Variants in PRKN observed in about 807,000 individuals in gnomAD.
PRKN encodes E3 ubiquitin-protein ligase parkin.
Under a neutral mutation model 59.5 loss-of-function variants are expected in PRKN, and 56 were observed. The ratio of observed to expected loss-of-function variants is 0.94; its 90% CI spans 0.76 to 1.18. The LOEUF (loss-of-function observed/expected upper bound fraction) is 1.18, where lower values mean the gene tolerates loss of function less well. Among genes scored for constraint, PRKN ranks in the 50% most tolerant of loss-of-function variants. The pLI is 0.00. For missense variants in PRKN, 657 were observed against 596.4 expected (o/e 1.10, Z -1.06); for synonymous variants, 250 against 222.1 (o/e 1.13, Z -1.12).
At chr6:162,489,490 T>C (rs1479620164) in intron 1 of PRKN, among the ~76,000 whole-genome samples, 1 of 152,150 alleles carries the variant, frequency 6.6e-6, no homozygotes, top group Non-Finnish European at 1.5e-5. Context: ...TGGACCAGTT[T>C]GTTTAAATTT....
At chr6:162,465,154 G>C (rs774564077) in intron 1 of PRKN, among the ~76,000 whole-genome samples, 2 of 152,236 alleles carry the variant, frequency 1.3e-5, no homozygotes, top group African/African-American at 4.8e-5. Context: ...TCACTTCTAT[G>C]AACATTTTAA....
rs1781440692 is a variant in PRKN, at chr6:161,584,088, C to T, written c.872-14672G>A. Among the ~76,000 whole-genome samples, 2 of 152,212 alleles carry T rather than the reference C, an allele frequency of 1.3e-5. No individual in the cohort carries two copies. The highest frequency in any genetic ancestry group is 6.5e-5 in the Admixed American group (1 of 15,288). On this transcript the variant is annotated intron_variant, in intron 7 of 11. Transcript: ENST00000366898. The surrounding 1 kb of genome is among the most constrained non-coding windows in gnomAD (Gnocchi z 4.8). The stretch of plus-strand genomic sequence containing the variant: ...AGAGTATTAGAGACACAACCCTCCC[C>T]TCCTTGGTTGTATGTGTATTCATCT...
chr6:162,687,964 T>C (rs1777633019), intron 1 of PRKN, among the ~76,000 whole-genome samples: 1 of 152,198 alleles, frequency 6.6e-6, no homozygotes, highest in Admixed American at 6.5e-5. Flanking sequence ...ATCCTGTTGC[T>C]GGATGTGGAG....
intron 6 of PRKN, among the ~76,000 whole-genome samples, chr6:161,876,141 A>G (rs1794724311): frequency 6.6e-6 from 1 of 151,888 alleles, no homozygotes; most frequent in African/African-American, 2.4e-5. Flanking sequence ...ATTAGTTACC[A>G]AACAAATATA....
At chr6:161,406,304 A>G (rs4709514) in intron 9 of PRKN, among the ~76,000 whole-genome samples, 34,605 of 151,694 alleles carry the variant, frequency 0.23, 5,680 homozygotes, top group East Asian at 0.83. Context: ...AATTTTTTTC[A>G]AAGTCATGAA....
At chr6:162,277,275 C>T (rs914324610) in intron 2 of PRKN, among the ~76,000 whole-genome samples, 12 of 152,210 alleles carry the variant, frequency 7.9e-5, no homozygotes, top group Non-Finnish European at 1.5e-4. Context: ...ATGGGAGATT[C>T]GGCAGGCATC....
At chr6:161,861,802 GA>G in intron 6 of PRKN, among the ~76,000 whole-genome samples, 2 of 152,164 alleles carry the variant, frequency 1.3e-5, no homozygotes, top group East Asian at 3.9e-4. Flanking sequence ...AATATTCTAA[GA>G]ACTTCCACTT....
chr6:162,158,206 T>C (rs1782603512), intron 4 of PRKN, among the ~76,000 whole-genome samples: 1 of 152,022 alleles, frequency 6.6e-6, no homozygotes. Context: ...ATGTGATCTA[T>C]CATATAGTTC....
intron 6 of PRKN, among the ~76,000 whole-genome samples, chr6:161,815,832 G>A (rs1312667882): frequency 1.3e-5 from 2 of 152,174 alleles, no homozygotes; most frequent in African/African-American, 2.4e-5. Flanking sequence ...GCACAGAGAA[G>A]ACTAGAAAAC....
chr6:161,799,746 T>C (rs1791003053), intron 6 of PRKN, among the ~76,000 whole-genome samples: 1 of 152,162 alleles, frequency 6.6e-6, no homozygotes. Flanking sequence ...CATGGGATCA[T>C]GTGATAGTGC....
intron 4 of PRKN, among the ~76,000 whole-genome samples, chr6:162,140,554 G>T (rs1781734368): frequency 6.6e-6 from 1 of 152,120 alleles, no homozygotes; most frequent in South Asian, 2.1e-4. Context: ...TGCTTTTCCG[G>T]CTTTCTTCCA....
rs553124985 is a variant in PRKN at position 161,490,287 on chromosome 6, G to A, written c.1083+58567C>T. Reference sequence around the variant, plus strand: ...GCGGTGGTCTGTCCCTCTAATCTACGTAAATCTCTCTACTTTTCTTTCTTG... The same window carrying A: ...GCGGTGGTCTGTCCCTCTAATCTACATAAATCTCTCTACTTTTCTTTCTTG... On this transcript the variant is annotated intron_variant, in intron 9 of 11. Coordinates refer to ENST00000366898, the MANE Select transcript of PRKN (RefSeq NM_004562.3). Among the ~76,000 whole-genome samples, 4 of 149,592 alleles carry A rather than the reference G, an allele frequency of 2.7e-5. No individual in the cohort carries two copies. In the South Asian group the frequency reaches 6.3e-4, roughly 24 times the overall value.
rs1371337373 is a variant in PRKN, at chr6:162,201,217, A to G, written c.448T>C (p.Cys150Arg). ...RSIYNSFYVYCKGPCQRVQPG... is the reference protein window; with the variant it reads ...RSIYNSFYVYRKGPCQRVQPG... ...TGCACTCTTTGACAGGGGCCTTTGC[A>G]ATACACATAAAAGCTGTTGTAGATT... Residue 150 changes from cysteine to arginine, a missense_variant, in exon 4 of 12, where the codon TGC (cysteine) becomes CGC (arginine). Physicochemically the swap from Cys to Arg is radical, Grantham distance 180 (BLOSUM62 -3). Transcript: ENST00000366898. The G allele has an allele frequency of 6.2e-7, 1 of 1,614,000 alleles. No homozygotes were observed. Among genetic ancestry groups the G allele is most frequent in the Non-Finnish European group, 8.5e-7 (1 of 1,179,892 alleles).
At chr6:161,991,949 A>G (rs1440108799) in intron 5 of PRKN, among the ~76,000 whole-genome samples, 1 of 152,246 alleles carries the variant, frequency 6.6e-6, no homozygotes, top group Non-Finnish European at 1.5e-5. Context: ...CAGTGAAAGG[A>G]TAGAAAAAGT....
chr6:162,031,961 A>C (rs894847031), intron 5 of PRKN, among the ~76,000 whole-genome samples: 1 of 152,200 alleles, frequency 6.6e-6, no homozygotes, highest in African/African-American at 2.4e-5. Flanking sequence ...CATGTGAAGT[A>C]ATGTTCTAGT....
intron 7 of PRKN, among the ~76,000 whole-genome samples, chr6:161,693,672 T>C (rs1353744758): frequency 6.6e-6 from 1 of 152,172 alleles, no homozygotes; most frequent in Non-Finnish European, 1.5e-5. Flanking sequence ...GCAATTCTAA[T>C]TTTCCCCAAT....
intron 4 of PRKN, among the ~76,000 whole-genome samples, chr6:162,109,200 A>G (rs1362329166): frequency 6.6e-6 from 1 of 152,214 alleles, no homozygotes; most frequent in Non-Finnish European, 1.5e-5. Flanking sequence ...CTTCCAGCCC[A>G]GCCCTATTTT....
chr6:162,018,006 C>G (rs1286585057), intron 5 of PRKN, among the ~76,000 whole-genome samples: 1 of 151,926 alleles, frequency 6.6e-6, no homozygotes, highest in Non-Finnish European at 1.5e-5. Context: ...ATGAAGAACA[C>G]AGGCCATAAT....
At chr6:161,420,187 G>T (rs141312246) in intron 9 of PRKN, among the ~76,000 whole-genome samples, 1 of 149,174 alleles carries the variant, frequency 6.7e-6, no homozygotes, top group Non-Finnish European at 1.5e-5. Context: ...GCAGTGAGCC[G>T]AGATCATGCG....
Sources: allele counts gnomAD v4.1 joint callset (sites outside exome capture counted in the v4.1 genomes callset), GRCh38; gene constraint gnomAD v4.1.1; non-coding constraint Gnocchi (gnomAD v3.1); transcripts MANE v1.5; gene names NCBI Gene and HGNC (gene_info 2026-07-23, HGNC 2026-07-21).